The following ZNF729 variants were observed in gnomAD, a reference collection of about 807,000 sequenced individuals.
ZNF729 encodes zinc finger protein 729.
Under a neutral mutation model 12.2 loss-of-function variants are expected in ZNF729, and 15 were observed. The ratio of observed to expected loss-of-function variants is 1.23; its 90% CI spans 0.82 to 1.89. ZNF729 has a LOEUF of 1.89. ZNF729 is among the 40% of genes most tolerant of loss of function. The pLI is 0.00. For missense variants in ZNF729, 1,540 were observed against 1,456.7 expected, an observed-to-expected ratio of 1.06 and a Z score of -0.93; for synonymous variants, 492 against 476.3, an observed-to-expected ratio of 1.03 and a Z score of -0.43.
chr19:22,301,955 C>T (rs1169584818), intron 1 of ZNF729, among the ~76,000 whole-genome samples: 1 of 152,306 alleles, frequency 6.6e-6, no homozygotes, highest in African/African-American at 2.4e-5. Context: ...TTCTGCCTGG[C>T]TCATCATTGG....
In ZNF729 at chr19:22,316,390, C is replaced by T. The variant is rs770608570; in HGVS notation, c.2973C>T (p.Pro991=). The T allele has an allele frequency of 1.9e-6, 3 of 1,613,446 alleles. No individual in the cohort carries two copies. Among genetic ancestry groups the T allele is most frequent in the Non-Finnish European group, 2.5e-6 (3 of 1,179,704 alleles). The change falls in exon 4 of 4, where the codon CCC becomes CCT. Residue 991 remains proline, a synonymous_variant. Coordinates refer to ENST00000601693, the MANE Select transcript of ZNF729 (RefSeq NM_001242680.2). ...AAGCAATTCATACTGGGGAGAAACC[C>T]TACAAATGCGAAGAATGTGGCAAAG... is the stretch of plus-strand genomic sequence containing the variant. ...RHKAIHTGEK[P]YKCEECGKDF...
intron 1 of ZNF729, among the ~76,000 whole-genome samples, chr19:22,293,242 G>A (rs1968178583): frequency 6.6e-6 from 1 of 152,100 alleles, no homozygotes; most frequent in South Asian, 2.1e-4. Flanking sequence ...CTAAAGTGCA[G>A]TGGCATAATC....
In ZNF729 at chr19:22,316,953, A is replaced by G. The variant is rs748214171; in HGVS notation, c.3536A>G (p.Lys1179Arg). ...FNQSSHLTRH[K>R]TIHTGEKPYK... ...CAGTCCTCACACCTTACTAGACACA[A>G]AACAATTCATACTGGAGAGAAACCC... The change falls in exon 4 of 4, where the codon AAA becomes AGA. Residue 1179 changes from lysine to arginine, a missense_variant. By Grantham distance (26) the Lys-to-Arg change is conservative. Coordinates refer to ENST00000601693, the MANE Select transcript of ZNF729 (RefSeq NM_001242680.2). 1.2e-6 allele frequency: 2 copies of G among 1,613,028 alleles called. No homozygotes were observed. The highest frequency in any genetic ancestry group is 1.7e-5 in the Admixed American group (1 of 60,012).
At chr19:22,293,860 C>T (rs1042284601) in intron 1 of ZNF729, among the ~76,000 whole-genome samples, 1 of 152,006 alleles carries the variant, frequency 6.6e-6, no homozygotes, top group Non-Finnish European at 1.5e-5. Flanking sequence ...TTTATGGATT[C>T]TGGATATTAG....
At chr19:22,288,572 G>A (rs1037185076) in intron 1 of ZNF729, among the ~76,000 whole-genome samples, 1 of 152,104 alleles carries the variant, frequency 6.6e-6, no homozygotes, top group Non-Finnish European at 1.5e-5. Flanking sequence ...GCCTTTCAGG[G>A]AAGCAGGCGG....
intron 3 of ZNF729, among the ~76,000 whole-genome samples, chr19:22,305,954 C>A (rs1968372610): frequency 1.3e-5 from 2 of 151,988 alleles, no homozygotes; most frequent in South Asian, 4.1e-4. Flanking sequence ...AGGCACATGG[C>A]ATTAAACCTA....
At chr19:22,311,686 C>T (rs1338491372) in intron 3 of ZNF729, among the ~76,000 whole-genome samples, 4 of 152,052 alleles carry the variant, frequency 2.6e-5, no homozygotes, top group African/African-American at 9.7e-5. Context: ...ATGGAATGTT[C>T]TGTATATATT....
intron 1 of ZNF729, among the ~76,000 whole-genome samples, 182 bp downstream of exon 1, chr19:22,286,737 C>A (rs531977853): frequency 6.6e-6 from 1 of 152,288 alleles, no homozygotes; most frequent in African/African-American, 2.4e-5. Flanking sequence ...ACTGCGGGAC[C>A]CTGGGCGACC....
In ZNF729 at chr19:22,315,396, A is replaced by G; in HGVS notation, c.1979A>G (p.Glu660Gly). The G allele has an allele frequency of 6.2e-7, 1 of 1,613,558 alleles. No individual in the cohort carries two copies. The highest frequency in any genetic ancestry group is 8.5e-7 in the Non-Finnish European group (1 of 1,179,822). Residue 660 changes from glutamate to glycine, a missense_variant, in exon 4 of 4, where the codon GAA becomes GGA. By Grantham distance (98) the Glu-to-Gly change is moderately conservative. Transcript: ENST00000601693. ...GGAGAGAAACCTTACAAATGTGAAG[A>G]ATGTGGCAAAGCTTTTAGCCATTTC... ...HTGEKPYKCE[E>G]CGKAFSHFSA...
intron 1 of ZNF729, among the ~76,000 whole-genome samples, chr19:22,296,140 A>G (rs1284572030): frequency 6.6e-6 from 1 of 152,264 alleles, no homozygotes; most frequent in Non-Finnish European, 1.5e-5. Context: ...TGCTGTTTCT[A>G]TATAACGAGC....
chr19:22,295,038 T>TGTGTGTGTGTG (rs1568571621), intron 1 of ZNF729, among the ~76,000 whole-genome samples: 199 of 144,128 alleles, frequency 1.4e-3, no homozygotes, highest in African/African-American at 4.1e-3. Context: ...TCCTAGATAT[T>TGTGTGTGTGTG]TGTGTGTGTG....
chr19:22,286,904 G>C (rs554267915), intron 1 of ZNF729, among the ~76,000 whole-genome samples: 388 of 152,332 alleles, frequency 2.5e-3, no homozygotes, highest in Non-Finnish European at 4.1e-3. Context: ...AATGGGAAGA[G>C]CTTTGGTCCA....
At chr19:22,306,446 AAAAAG>A (rs540836743) in intron 3 of ZNF729, among the ~76,000 whole-genome samples, 7 of 150,480 alleles carry the variant, frequency 4.7e-5, no homozygotes, top group East Asian at 1.9e-4. Flanking sequence ...TCAAAAAAAA[AAAAAG>A]AAAAGAAAAG....
rs1036472725 is a variant in ZNF729, at chr19:22,316,253, A to T, written c.2836A>T (p.Asn946Tyr). The change falls in exon 4 of 4, where the codon AAT becomes TAT. Residue 946 changes from asparagine to tyrosine, a missense_variant. Asn to Tyr is a moderately radical substitution (Grantham distance 143). Coordinates refer to ENST00000601693, the MANE Select transcript of ZNF729 (RefSeq NM_001242680.2). ...ATGTGAAGAATGTGGCAAAGCTTTT[A>T]ATGATTCCTCAACCCTTATGAAGCA... is the stretch of plus-strand genomic sequence containing the variant. ...YKCEECGKAFNDSSTLMKHKI... is the reference protein window; with the variant it reads ...YKCEECGKAFYDSSTLMKHKI... 16 of 1,613,690 alleles carry T rather than the reference A, an allele frequency of 9.9e-6. No individual in the cohort carries two copies. The highest frequency in any genetic ancestry group is 1.3e-5 in the African/African-American group (1 of 74,934).
rs2145036262 is a variant in ZNF729, at chr19:22,286,462, A to G, written c.-64A>G. On this transcript the variant is annotated 5_prime_UTR_variant, in exon 1 of 4. Transcript: ENST00000601693. ...AGCCGCAGTTCCCGGTCTCGCCTTC[A>G]CTGCTGTGTGTCCTCAGCCTCTGTG... 2 of 1,603,456 alleles carry G rather than the reference A, an allele frequency of 1.2e-6. No homozygotes were observed. The highest frequency in any genetic ancestry group is 1.7e-6 in the Non-Finnish European group (2 of 1,174,860).
chr19:22,305,754 T>C (rs534251900), intron 3 of ZNF729, among the ~76,000 whole-genome samples: 3 of 152,314 alleles, frequency 2.0e-5, no homozygotes, highest in South Asian at 4.1e-4. Context: ...ACATATTGCA[T>C]GCTTTTTTCC....
intron 3 of ZNF729, among the ~76,000 whole-genome samples, chr19:22,306,516 TG>T (rs1417661218): frequency 6.6e-6 from 1 of 150,406 alleles, no homozygotes; most frequent in Admixed American, 6.6e-5. Flanking sequence ...TTTTTTAACA[TG>T]TTTTTTCTCA....
At position 22,314,346 on chromosome 19, in the gene ZNF729, A is replaced by G. The variant is rs750900578; in HGVS notation, c.929A>G (p.His310Arg). ...AFKGSSNFNA[H>R]KVIHTAEKPY... is the part of the protein sequence containing the mutation. ...AAGGGGTCCTCAAATTTTAATGCACATAAGGTAATTCATACTGCAGAGAAA... is the reference window on the plus strand; with the variant it reads ...AAGGGGTCCTCAAATTTTAATGCACGTAAGGTAATTCATACTGCAGAGAAA... Residue 310 changes from histidine (H) to arginine (R), a missense_variant, in exon 4 of 4, where the codon CAT becomes CGT. Physicochemically the swap from His to Arg is conservative, Grantham distance 29. Transcript: ENST00000601693. The G allele has an allele frequency of 1.5e-5, 24 of 1,602,764 alleles. 1 individual carries two copies. Among genetic ancestry groups the G allele is most frequent in the African/African-American group, 4.0e-5 (3 of 74,874 alleles).
chr19:22,312,385 G>C (rs1024203534), intron 3 of ZNF729, among the ~76,000 whole-genome samples: 3 of 151,510 alleles, frequency 2.0e-5, no homozygotes, highest in South Asian at 2.1e-4. Flanking sequence ...AATTGTCTTG[G>C]CTAGAGATTC....
Sources: allele counts gnomAD v4.1 joint callset (sites outside exome capture counted in the v4.1 genomes callset), GRCh38; gene constraint gnomAD v4.1.1; transcripts MANE v1.5; gene names NCBI Gene and HGNC (gene_info 2026-07-23, HGNC 2026-07-21).